MND1: variants seen among roughly 807,000 people sequenced by gnomAD.
The protein encoded by MND1 is meiotic nuclear divisions 1.
In MND1, 28 loss-of-function variants were observed where a neutral mutation model predicts 35.1. The observed-to-expected ratio is 0.80, with a 90% confidence interval of 0.59 to 1.09. The LOEUF (loss-of-function observed/expected upper bound fraction) is 1.09, where lower values mean the gene tolerates loss of function less well. Among genes scored for constraint, MND1 ranks in the 50% least tolerant of loss-of-function variants. MND1 has a pLI of 0.00. For missense variants in MND1, 213 were observed against 239.6 expected (o/e 0.89, Z 0.73); for synonymous variants, 69 against 70.5 (o/e 0.98, Z 0.11).
chr4:153,391,561 A>C (rs955406582), intron 4 of MND1, among the ~76,000 whole-genome samples: 1 of 151,832 alleles, frequency 6.6e-6, no homozygotes, highest in Non-Finnish European at 1.5e-5. Flanking sequence ...CCCCATCTCT[A>C]CTAAAAATAC....
intron 4 of MND1, among the ~76,000 whole-genome samples, chr4:153,359,732 T>C (rs1271838667): frequency 4.0e-5 from 6 of 151,258 alleles, no homozygotes; most frequent in African/African-American, 1.2e-4. Flanking sequence ...TGGTATCTCA[T>C]TGTTGTTTTA....
At chr4:153,360,755 A>G (rs1016544848) in intron 4 of MND1, among the ~76,000 whole-genome samples, 19 of 144,406 alleles carry the variant, frequency 1.3e-4, no homozygotes, top group Admixed American at 3.5e-4. Flanking sequence ...ATATACACAT[A>G]TATACACACA....
intron 4 of MND1, among the ~76,000 whole-genome samples, chr4:153,390,889 A>ATGTGTGTGTGTG (rs58003087): frequency 1.2e-4 from 17 of 139,852 alleles, no homozygotes; most frequent in Admixed American, 5.8e-4. Context: ...AGGTATATAT[A>ATGTGTGTGTGTG]TGTGTGTGTG....
In MND1 at chr4:153,362,565, A is replaced by G. The variant is rs570833194; in HGVS notation, c.276+3943A>G. ...TGAACCAATTAAACCTCTTTTCTTTATAAATTACCCAGTCTCAGGTATTTA... is the reference window on the plus strand; with the variant it reads ...TGAACCAATTAAACCTCTTTTCTTTGTAAATTACCCAGTCTCAGGTATTTA... On this transcript the variant is annotated intron_variant, in intron 4 of 7. Coordinates refer to ENST00000240488, the MANE Select transcript of MND1 (RefSeq NM_032117.4). Among the ~76,000 whole-genome samples the G allele has an allele frequency of 6.6e-5, 10 of 152,280 alleles. No individual in the cohort carries two copies. The South Asian group carries it at 1.9e-3, about 28-fold the overall frequency.
At position 153,371,964 on chromosome 4, in the gene MND1, A is replaced by G. The variant is rs547518995; in HGVS notation, c.276+13342A>G. Among the ~76,000 whole-genome samples the G allele has an allele frequency of 6.6e-4, 100 of 152,186 alleles. No individual in the cohort carries two copies. In the Middle Eastern group the frequency reaches 0.01, roughly 16 times the overall value. ...CCACTGTAGGGTTATTAATTGGCCT[A>G]ATTTCAATATTGTTTTGTCTCAAGG... On this transcript the variant is annotated intron_variant, in intron 4 of 7. Coordinates refer to ENST00000240488, the MANE Select transcript of MND1 (RefSeq NM_032117.4).
At chr4:153,401,242 TAAATA>T (rs528395791) in intron 6 of MND1, among the ~76,000 whole-genome samples, 103 of 152,232 alleles carry the variant, frequency 6.8e-4, no homozygotes, top group African/African-American at 2.4e-3. Context: ...GACTCCCATA[TAAATA>T]AAATAAAAAT....
intron 4 of MND1, among the ~76,000 whole-genome samples, chr4:153,387,969 T>C (rs1158014135): frequency 6.6e-6 from 1 of 152,056 alleles, no homozygotes; most frequent in African/African-American, 2.4e-5. Context: ...TCTATATTCC[T>C]CCCTTAATGC....
chr4:153,374,933 T>G (rs1297889267), intron 4 of MND1, among the ~76,000 whole-genome samples: 1 of 152,130 alleles, frequency 6.6e-6, no homozygotes, highest in Non-Finnish European at 1.5e-5. Context: ...CTGTGCTAAG[T>G]TTTTTGGGCA....
intron 3 of MND1, among the ~76,000 whole-genome samples, chr4:153,357,124 A>C (rs1364535038): frequency 2.0e-5 from 3 of 152,170 alleles, no homozygotes; most frequent in Admixed American, 2.0e-4. Flanking sequence ...TGCATATTTT[A>C]TAGATGCACA....
rs949873863 is a variant in MND1 at position 153,398,510 on chromosome 4, A to C, written c.466+1177A>C. ...TAAAGTTAAACTTCATTTAAGAGAC[A>C]GGTCGCTGCTTTGCGCAACTCCAGG... On this transcript the variant is annotated intron_variant, in intron 6 of 7. Transcript: ENST00000240488. Among the ~76,000 whole-genome samples the C allele has an allele frequency of 2.0e-5, 3 of 152,256 alleles. No homozygotes were observed. The East Asian group carries it at 5.8e-4, about 29-fold the overall frequency.
intron 7 of MND1, 39 bp downstream of exon 7, chr4:153,409,054 T>C: frequency 1.7e-6 from 2 of 1,210,304 alleles, no homozygotes; most frequent in South Asian, 4.8e-5. Context: ...ATAGCTAAAT[T>C]CCCTTCACAC....
chr4:153,388,025 A>G (rs1728915621), intron 4 of MND1, among the ~76,000 whole-genome samples: 1 of 152,136 alleles, frequency 6.6e-6, no homozygotes, highest in Non-Finnish European at 1.5e-5. Flanking sequence ...CAGAATTCCA[A>G]TGCAGCCAGC....
rs761003758 is a variant in MND1, at chr4:153,394,264, G to T, written c.279G>T (p.Leu93Phe). Residue 93 changes from leucine (L) to phenylalanine (F), a missense_variant and splice_region_variant, in exon 5 of 8, where the codon TTG becomes TTT. Coordinates refer to ENST00000240488, the MANE Select transcript of MND1 (RefSeq NM_032117.4). ...TTTATTTGTTTTTGATTCTCTAGTTGTCTGAGGGAAGTCAAAAGCATGCAA... is the reference window on the plus strand; with the variant it reads ...TTTATTTGTTTTTGATTCTCTAGTTTTCTGAGGGAAGTCAAAAGCATGCAA... The part of the protein sequence containing the change: ...KHKLEVLESQ[L>F]SEGSQKHASL... 1.9e-6 allele frequency: 3 copies of T among 1,611,740 alleles called. No individual in the cohort carries two copies. In the South Asian group the frequency reaches 3.3e-5, roughly 18 times the overall value.
chr4:153,372,751 T>C (rs1773822394), intron 4 of MND1, among the ~76,000 whole-genome samples: 3 of 152,226 alleles, frequency 2.0e-5, no homozygotes, highest in Non-Finnish European at 4.4e-5. Flanking sequence ...CTTCTTTTAC[T>C]CAATAAAATT....
intron 7 of MND1, among the ~76,000 whole-genome samples, chr4:153,410,729 G>T (rs181215284): frequency 7.2e-5 from 11 of 152,286 alleles, no homozygotes; most frequent in African/African-American, 2.6e-4. Flanking sequence ...GGTGGCTCAT[G>T]CCCGTAATCC....
At chr4:153,394,976 T>C (rs1490363837) in intron 5 of MND1, among the ~76,000 whole-genome samples, 1 of 152,214 alleles carries the variant, frequency 6.6e-6, no homozygotes, top group Non-Finnish European at 1.5e-5. Flanking sequence ...AAGATCAACA[T>C]GAACCACTAA....
chr4:153,355,511 T>C, intron 2 of MND1, 143 bp from the exon 3 acceptor site: 1 of 593,872 alleles, frequency 1.7e-6, no homozygotes, highest in Non-Finnish European at 3.0e-6. Context: ...CATAACACAT[T>C]GTATACCTAT....
chr4:153,407,330 G>A (rs879299548), intron 6 of MND1, among the ~76,000 whole-genome samples: 1 of 152,156 alleles, frequency 6.6e-6, no homozygotes, highest in Non-Finnish European at 1.5e-5. Flanking sequence ...GGGTGTGGTG[G>A]CACATGCCTG....
intron 6 of MND1, among the ~76,000 whole-genome samples, chr4:153,399,928 G>T (rs1729302205): frequency 9.7e-6 from 1 of 103,084 alleles, no homozygotes; most frequent in Non-Finnish European, 1.8e-5. Context: ...TGGAGACAGG[G>T]CCTTGCTCTG....
Sources: gnomAD v4.1 joint callset for allele counts (sites outside exome capture counted in the v4.1 genomes callset) on GRCh38, gnomAD v4.1.1 for gene constraint, MANE v1.5 for transcripts, NCBI Gene and HGNC (gene_info 2026-07-23, HGNC 2026-07-21) for gene names.